Variants in RAB39A observed in about 807,000 individuals in gnomAD.
RAB39A encodes RAB39A, member RAS oncogene family.
In RAB39A, 17 loss-of-function variants were observed where a neutral mutation model predicts 20.9. The observed-to-expected ratio is 0.81, with a 90% CI of 0.56 to 1.22. RAB39A has a LOEUF of 1.22. RAB39A is among the 50% of genes most tolerant of loss of function. The pLI is 0.00. For missense variants in RAB39A, 234 were observed against 270.5 expected (o/e 0.87, Z 0.95); for synonymous variants, 99 against 103.4 (o/e 0.96, Z 0.26).
intron 1 of RAB39A, among the ~76,000 whole-genome samples, chr11:107,955,892 A>AT (rs571618950): frequency 0.01 from 1,522 of 147,068 alleles, 19 homozygotes; most frequent in African/African-American, 0.033. Context: ...AGTATTATGC[A>AT]TTTTTTTTTT....
At chr11:107,947,198 T>C (rs982750278) in intron 1 of RAB39A, among the ~76,000 whole-genome samples, 18 of 151,774 alleles carry the variant, frequency 1.2e-4, no homozygotes, top group African/African-American at 4.4e-4. Flanking sequence ...GCCTCCCAGG[T>C]TCACACCATT....
At chr11:107,940,629 A>G (rs1361957202) in intron 1 of RAB39A, among the ~76,000 whole-genome samples, 1 of 152,126 alleles carries the variant, frequency 6.6e-6, no homozygotes, top group Non-Finnish European at 1.5e-5. Flanking sequence ...AAATGTCAGT[A>G]ACTGTTAATC....
chr11:107,928,628 C>A lies in RAB39A; in HGVS notation c.60C>A (p.Gly20=). 6.2e-7 allele frequency: 1 copy of A among 1,605,156 alleles called. No homozygotes were observed. Among genetic ancestry groups the A allele is most frequent in the Non-Finnish European group, 8.5e-7 (1 of 1,173,402 alleles). The change falls in exon 1 of 2, where the codon GGC becomes GGA. Residue 20 remains glycine, a synonymous_variant. Transcript: ENST00000320578. The surrounding 1 kb of genome is among the most constrained non-coding windows in gnomAD (Gnocchi z 4.9). The part of the protein sequence containing the change: ...RLIVIGDSTV[G]KSCLLHRFTQ... ...TCGTGATCGGGGACTCCACCGTGGGCAAGTCCTGCCTCCTGCACCGCTTCA... is the reference window on the plus strand; with the variant it reads ...TCGTGATCGGGGACTCCACCGTGGGAAAGTCCTGCCTCCTGCACCGCTTCA...
At chr11:107,961,916 T>C (rs369131963) in intron 1 of RAB39A, 30 bp from the exon 2 acceptor site, 9 of 1,546,216 alleles carry the variant, frequency 5.8e-6, no homozygotes, top group Non-Finnish European at 7.9e-6. Flanking sequence ...AAGTTGTCCT[T>C]ATACAACCTT....
In RAB39A at chr11:107,928,548, A is replaced by G; in HGVS notation, c.-21A>G. 1 of 1,434,972 alleles carries G rather than the reference A, an allele frequency of 7.0e-7. No individual in the cohort carries two copies. The highest frequency in any genetic ancestry group is 1.6e-5 in the South Asian group (1 of 63,858). 88.9% of individuals were successfully genotyped at this position (1,434,972 alleles called of 1,614,324 possible). ...TAGCCCGCGGGTGGGGCGGCCCGGG[A>G]GCCAGCGGGGCACGTGAGCGATGGA... is the stretch of plus-strand genomic sequence containing the variant. On this transcript the variant is annotated 5_prime_UTR_variant, in exon 1 of 2. Transcript: ENST00000320578. This position sits in a 1 kb window ranked among gnomAD's most constrained non-coding sequence, Gnocchi z 4.9.
intron 1 of RAB39A, among the ~76,000 whole-genome samples, chr11:107,955,603 C>G (rs1861426345): frequency 6.6e-6 from 1 of 152,156 alleles, no homozygotes. Flanking sequence ...CTTTGGGAGG[C>G]CGAGGCAGGC....
In RAB39A at chr11:107,928,802, A is replaced by G; in HGVS notation, c.227+7A>G. On this transcript the variant is annotated splice_region_variant and intron_variant, in intron 1 of 1. Coordinates refer to ENST00000320578, the MANE Select transcript of RAB39A (RefSeq NM_017516.3). The surrounding 1 kb of genome is among the most constrained non-coding windows in gnomAD (Gnocchi z 4.9). ...CGGGACAGGAGCGGTTCAGGTAGGG[A>G]CCCCGGGGACCTTGGGCACCGCGCC... The G allele has an allele frequency of 1.3e-6, 2 of 1,515,728 alleles. No homozygotes were observed. Among genetic ancestry groups the G allele is most frequent in the Middle Eastern group, 1.9e-4 (1 of 5,136 alleles). The allele number at this position is 1,515,728 out of a possible 1,614,324, so 93.9% of individuals were successfully genotyped here. A position where few individuals can be genotyped will look rare whatever the true frequency, so the allele number is the denominator to read the frequency against.
intron 1 of RAB39A, among the ~76,000 whole-genome samples, chr11:107,938,336 G>GGC (rs1861219625): frequency 6.9e-6 from 1 of 143,968 alleles, no homozygotes; most frequent in Admixed American, 7.2e-5. Context: ...CTCCAGTCTG[G>GGC]GCAATAGAGC....
At chr11:107,958,670 GT>G (rs918718634) in intron 1 of RAB39A, among the ~76,000 whole-genome samples, 1 of 152,028 alleles carries the variant, frequency 6.6e-6, no homozygotes, top group Non-Finnish European at 1.5e-5. Context: ...ATTAATAAGG[GT>G]TTTTTTATAA....
intron 1 of RAB39A, among the ~76,000 whole-genome samples, chr11:107,957,361 G>C (rs1476591914): frequency 6.6e-6 from 1 of 152,194 alleles, no homozygotes; most frequent in African/African-American, 2.4e-5. Context: ...GGTTGGGAAA[G>C]AATAATTATC....
intron 1 of RAB39A, among the ~76,000 whole-genome samples, chr11:107,930,582 G>C (rs1282462484): frequency 6.6e-6 from 1 of 152,160 alleles, no homozygotes; most frequent in African/African-American, 2.4e-5. Context: ...ACTTGGCTGG[G>C]CAGGGTGGCT....
chr11:107,957,443 A>G (rs1861449072), intron 1 of RAB39A, among the ~76,000 whole-genome samples: 1 of 152,222 alleles, frequency 6.6e-6, no homozygotes, highest in Non-Finnish European at 1.5e-5. Flanking sequence ...AGTGTGCTGC[A>G]GGGGAAGCAG....
intron 1 of RAB39A, among the ~76,000 whole-genome samples, chr11:107,955,056 G>T (rs1450792257): frequency 2.4e-5 from 3 of 124,490 alleles, no homozygotes; most frequent in African/African-American, 8.9e-5. Context: ...GAGTGCAGTG[G>T]CCCGATCTCG....
intron 1 of RAB39A, among the ~76,000 whole-genome samples, chr11:107,931,334 G>A (rs2596423): frequency 0.88 from 133,511 of 152,278 alleles, 59,093 homozygotes; most frequent in East Asian, 0.94. Flanking sequence ...TTCATTTTAT[G>A]TACATTATTA....
At chr11:107,950,459 G>T (rs192706049) in intron 1 of RAB39A, among the ~76,000 whole-genome samples, 3 of 152,140 alleles carry the variant, frequency 2.0e-5, no homozygotes, top group Non-Finnish European at 4.4e-5. Flanking sequence ...TTAAACACTA[G>T]GGATACAAAG....
intron 1 of RAB39A, among the ~76,000 whole-genome samples, chr11:107,937,878 G>C (rs2134953814): frequency 6.6e-6 from 1 of 152,200 alleles, no homozygotes; most frequent in South Asian, 2.1e-4. Context: ...CTGCAGTCAG[G>C]TTATTGAGTT....
intron 1 of RAB39A, among the ~76,000 whole-genome samples, chr11:107,940,589 A>C (rs142486233): frequency 2.0e-5 from 3 of 152,282 alleles, no homozygotes; most frequent in East Asian, 3.9e-4. Context: ...CTACAAGCTT[A>C]TACTTCATGA....
chr11:107,940,869 A>C (rs2134957742), intron 1 of RAB39A, among the ~76,000 whole-genome samples: 1 of 152,058 alleles, frequency 6.6e-6, no homozygotes, highest in African/African-American at 2.4e-5. Flanking sequence ...GCTACTCAGG[A>C]GGCTGAGGAA....
chr11:107,944,158 G>T (rs1861286968), intron 1 of RAB39A, among the ~76,000 whole-genome samples: 1 of 151,948 alleles, frequency 6.6e-6, no homozygotes, highest in African/African-American at 2.4e-5. Context: ...AGGGGGCTCT[G>T]CCTCAACATC....
Sources: gnomAD v4.1 joint callset for allele counts (sites outside exome capture counted in the v4.1 genomes callset) on GRCh38, gnomAD v4.1.1 for gene constraint, Gnocchi (gnomAD v3.1) non-coding constraint, MANE v1.5 for transcripts, NCBI Gene and HGNC (gene_info 2026-07-23, HGNC 2026-07-21) for gene names.